The following RAD51B variants were observed in gnomAD, a reference collection of about 807,000 sequenced individuals.
RAD51B encodes the protein RAD51 paralog B.
A neutral mutation model predicts 42.2 loss-of-function variants in RAD51B; 38 were observed. That is an observed-to-expected ratio of 0.90 (90% CI 0.70 to 1.18). RAD51B has a LOEUF of 1.18. Among genes scored for constraint, RAD51B ranks in the 50% most tolerant of loss-of-function variants. The pLI, the probability that RAD51B is intolerant of heterozygous loss-of-function variation, is 0.00. For synonymous variants in RAD51B, 154 were observed against 145.2 expected (o/e 1.06, Z -0.43); for missense variants, 373 against 400.7 (o/e 0.93, Z 0.59).
At chr14:67,942,923 A>T (rs1310682434) in intron 7 of RAD51B, among the ~76,000 whole-genome samples, 2 of 152,096 alleles carry the variant, frequency 1.3e-5, no homozygotes, top group African/African-American at 4.8e-5. Flanking sequence ...TACCCATTTT[A>T]TGCATGCTCC....
chr14:68,154,152 C>T (rs930221830), intron 7 of RAD51B, among the ~76,000 whole-genome samples: 1 of 152,156 alleles, frequency 6.6e-6, no homozygotes, highest in Non-Finnish European at 1.5e-5. Flanking sequence ...AGATACCAGA[C>T]ATTGTGAATT....
intron 10 of RAD51B, among the ~76,000 whole-genome samples, chr14:68,477,443 T>G (rs968734984): frequency 1.3e-5 from 2 of 152,144 alleles, no homozygotes; most frequent in African/African-American, 4.8e-5. Context: ...CTATCCTTAG[T>G]CAAGCCAGGG....
At chr14:68,630,803 A>T (rs915759726) in intron 10 of RAD51B, among the ~76,000 whole-genome samples, 7 of 152,166 alleles carry the variant, frequency 4.6e-5, no homozygotes, top group Non-Finnish European at 7.3e-5. Context: ...AAGCTCTCCC[A>T]GGCTGGCAGA....
At chr14:68,010,712 A>T (rs925208095) in intron 7 of RAD51B, among the ~76,000 whole-genome samples, 7 of 151,874 alleles carry the variant, frequency 4.6e-5, no homozygotes, top group Non-Finnish European at 1.0e-4. Context: ...TACTATGGAC[A>T]CTTAGTTTGA....
At position 68,457,908 on chromosome 14, in the gene RAD51B, C is replaced by T. The variant is rs181105528; in HGVS notation, c.958-10264C>T. On this transcript the variant is annotated intron_variant, in intron 9 of 10. Coordinates refer to ENST00000471583, the MANE Select transcript of RAD51B (RefSeq NM_133510.4). ...GATTACAGGCGTGAGCCACTGCGCC[C>T]AGCCCTAGGAATTATTAACACTTTC... 2.5e-3 allele frequency among the ~76,000 whole-genome samples: 371 copies of T among 149,736 alleles called. 1 individual carries two copies. Among genetic ancestry groups the T allele is most frequent in the African/African-American group, 8.4e-3 (343 of 40,752 alleles).
At chr14:68,080,736 A>G (rs993651601) in intron 7 of RAD51B, among the ~76,000 whole-genome samples, 3 of 152,184 alleles carry the variant, frequency 2.0e-5, no homozygotes, top group Non-Finnish European at 4.4e-5. Context: ...TGAAAAACAG[A>G]TGTTTTACCG....
chr14:68,429,290 A>C (rs2084938981), intron 9 of RAD51B, among the ~76,000 whole-genome samples: 2 of 152,198 alleles, frequency 1.3e-5, no homozygotes, highest in South Asian at 4.1e-4. Flanking sequence ...TGGCTGGGTC[A>C]AATGGTATAT....
intron 7 of RAD51B, among the ~76,000 whole-genome samples, chr14:68,136,009 A>T (rs1337354633): frequency 6.6e-6 from 1 of 152,176 alleles, no homozygotes; most frequent in African/African-American, 2.4e-5. Context: ...TATATTATTT[A>T]TAAAAAAAGT....
intron 8 of RAD51B, among the ~76,000 whole-genome samples, chr14:68,384,024 C>T (rs774171651): frequency 2.6e-5 from 4 of 152,204 alleles, no homozygotes; most frequent in African/African-American, 7.2e-5. Flanking sequence ...AGTGGGAGTA[C>T]ACTTTCCACT....
chr14:68,380,801 A>G (rs980208562), intron 8 of RAD51B, among the ~76,000 whole-genome samples: 3 of 152,214 alleles, frequency 2.0e-5, no homozygotes, highest in Admixed American at 2.0e-4. Context: ...TTGCAAAGGA[A>G]AACTGTGTTC....
chr14:68,258,506 A>G (rs1251769160), intron 7 of RAD51B, among the ~76,000 whole-genome samples: 1 of 152,096 alleles, frequency 6.6e-6, no homozygotes, highest in African/African-American at 2.4e-5. Flanking sequence ...TTCTTATTCC[A>G]GAAACATATC....
intron 7 of RAD51B, among the ~76,000 whole-genome samples, chr14:68,030,201 G>A (rs1288674438): frequency 6.6e-6 from 1 of 152,132 alleles, no homozygotes; most frequent in African/African-American, 2.4e-5. Context: ...AGCTGCATTA[G>A]CCCATTTTAA....
intron 7 of RAD51B, among the ~76,000 whole-genome samples, chr14:67,938,676 A>C (rs2045045725): frequency 6.6e-6 from 1 of 152,206 alleles, no homozygotes; most frequent in Non-Finnish European, 1.5e-5. Context: ...TCAGTAGAAA[A>C]CAGTTGATGT....
At chr14:68,480,788 T>C (rs1198225685), downstream of RAD51B, among the ~76,000 whole-genome samples, 1 of 152,256 alleles carries the variant, frequency 6.6e-6, no homozygotes, top group Non-Finnish European at 1.5e-5. Flanking sequence ...ATTTCTGTCC[T>C]GATAACTTGG....
chr14:68,562,886 G>C (rs751256057), intron 10 of RAD51B: 53 of 985,240 alleles, frequency 5.4e-5, no homozygotes, highest in Non-Finnish European at 5.7e-5. Context: ...GAAACCTCTG[G>C]GCACCTTCTG....
chr14:68,261,352 C>T lies in RAD51B; in HGVS notation c.757-30532C>T, dbSNP rs74889087. ...TCTTAAGAGAAGGCCTCAAAGGTTCCCGGAGCTGTCTGTCTTTTCATGTAA... is the reference window on the plus strand; with the variant it reads ...TCTTAAGAGAAGGCCTCAAAGGTTCTCGGAGCTGTCTGTCTTTTCATGTAA... On this transcript the variant is annotated intron_variant, in intron 7 of 10. Transcript: ENST00000471583. 3.9e-3 allele frequency among the ~76,000 whole-genome samples: 597 copies of T among 152,254 alleles called. 10 individuals are homozygous for T. In the East Asian group the frequency reaches 0.056, roughly 14 times the overall value.
chr14:68,153,687 G>A (rs540706463), intron 7 of RAD51B, among the ~76,000 whole-genome samples: 1 of 151,534 alleles, frequency 6.6e-6, no homozygotes, highest in Non-Finnish European at 1.5e-5. Context: ...TTTTTTTCTT[G>A]TAAATTCATT....
At chr14:67,892,696 C>T (rs903491606) in intron 7 of RAD51B, among the ~76,000 whole-genome samples, 3 of 152,146 alleles carry the variant, frequency 2.0e-5, no homozygotes, top group Non-Finnish European at 4.4e-5. Flanking sequence ...TATGGTGAAG[C>T]CTATTTTTCT....
chr14:68,376,182 A>AT (rs779447719), intron 8 of RAD51B, among the ~76,000 whole-genome samples: 1 of 152,154 alleles, frequency 6.6e-6, no homozygotes, highest in Admixed American at 6.5e-5. Flanking sequence ...TACTGCAAGT[A>AT]TTTTTCTCTG....
Sources: gnomAD v4.1 joint callset for allele counts (sites outside exome capture counted in the v4.1 genomes callset) on GRCh38, gnomAD v4.1.1 for gene constraint, MANE v1.5 for transcripts, NCBI Gene and HGNC (gene_info 2026-07-23, HGNC 2026-07-21) for gene names.